Variants in UBL3 observed in about 807,000 individuals in gnomAD.
UBL3 encodes the protein ubiquitin-like protein 3.
A neutral mutation model predicts 18.4 loss-of-function variants in UBL3; 6 were observed. The observed-to-expected ratio is 0.33, with a 90% CI of 0.18 to 0.64. The LOEUF (loss-of-function observed/expected upper bound fraction) is 0.64, where lower values mean the gene tolerates loss of function less well. Ranked by LOEUF, UBL3 falls within the 30% of genes least tolerant of loss-of-function variation. The pLI is 0.76. For synonymous variants in UBL3, 49 were observed against 46.6 expected, an observed-to-expected ratio of 1.05 and a Z score of -0.21; for missense variants, 109 against 142.9, an observed-to-expected ratio of 0.76 and a Z score of 1.21.
At chr13:29,776,808 T>G (rs1370524333) in intron 2 of UBL3, among the ~76,000 whole-genome samples, 1 of 133,718 alleles carries the variant, frequency 7.5e-6, no homozygotes, top group Non-Finnish European at 1.5e-5. Context: ...GAGGCAGAGG[T>G]TGCGGTGAGC....
At chr13:29,835,107 A>AATATAAATATATATATATATATATAAAT (rs1878897106) in intron 1 of UBL3, among the ~76,000 whole-genome samples, 1 of 23,796 alleles carries the variant, frequency 4.2e-5, no homozygotes, top group Non-Finnish European at 7.1e-5. Context: ...TATATATATA[A>AATATAAATATATATATATATATATAAAT]ATATATATAT....
intron 1 of UBL3, among the ~76,000 whole-genome samples, chr13:29,838,939 T>A (rs369267422): frequency 6.4e-4 from 98 of 152,164 alleles, no homozygotes; most frequent in African/African-American, 2.3e-3. Flanking sequence ...AAAAAAAGAA[T>A]GCTATATTAA....
chr13:29,788,838 AGTGTGTGTGT>A (rs58898742), intron 1 of UBL3, among the ~76,000 whole-genome samples: 38 of 138,234 alleles, frequency 2.7e-4, no homozygotes, highest in African/African-American at 9.0e-4. Context: ...TTAATGGGGA[AGTGTGTGTGT>A]GTGTGTGTGT....
chr13:29,847,029 T>C (rs565625435), intron 1 of UBL3, among the ~76,000 whole-genome samples: 7 of 152,340 alleles, frequency 4.6e-5, no homozygotes, highest in Admixed American at 2.0e-4. Context: ...CTAAAATCAA[T>C]TGTCAATTCA....
chr13:29,835,117 T>TAA (rs1878902498), intron 1 of UBL3, among the ~76,000 whole-genome samples: 1 of 22,778 alleles, frequency 4.4e-5, no homozygotes, highest in Non-Finnish European at 6.4e-5. Context: ...AATATATATA[T>TAA]ATATATAAAT....
chr13:29,791,145 C>T (rs533569466), intron 1 of UBL3, among the ~76,000 whole-genome samples: 1 of 152,272 alleles, frequency 6.6e-6, no homozygotes, highest in South Asian at 2.1e-4. Context: ...TCTCTCAGTC[C>T]TTTAGGCATG....
intron 1 of UBL3, among the ~76,000 whole-genome samples, chr13:29,835,720 A>G (rs1369479753): frequency 7.5e-6 from 1 of 132,850 alleles, no homozygotes; most frequent in African/African-American, 2.9e-5. Flanking sequence ...GCGCCACTGC[A>G]CTCCAGCCTG....
intron 1 of UBL3, among the ~76,000 whole-genome samples, chr13:29,829,089 G>C (rs899348449): frequency 1.3e-5 from 2 of 152,178 alleles, no homozygotes; most frequent in East Asian, 3.9e-4. Context: ...GCCCCTACTA[G>C]GGGGTGCCTC....
At chr13:29,793,669 A>C (rs986985618) in intron 1 of UBL3, among the ~76,000 whole-genome samples, 2 of 152,188 alleles carry the variant, frequency 1.3e-5, no homozygotes, top group African/African-American at 4.8e-5. Flanking sequence ...ACAATCCTCA[A>C]GAATATGTGA....
At position 29,827,775 on chromosome 13, in the gene UBL3, T is replaced by G. The variant is rs540229640; in HGVS notation, c.27+21737A>C. Among the ~76,000 whole-genome samples, 30 of 152,300 alleles carry G rather than the reference T, an allele frequency of 2.0e-4. No individual in the cohort carries two copies. In the South Asian group the frequency reaches 5.8e-3, roughly 29 times the overall value. On this transcript the variant is annotated intron_variant, in intron 1 of 4. Coordinates refer to ENST00000380680, the MANE Select transcript of UBL3 (RefSeq NM_007106.4). ...AGTTGATGCAGTTTCTTCCTAGCAT[T>G]GATGGTCTTTACTATTTGGCATGTT...
intron 1 of UBL3, among the ~76,000 whole-genome samples, chr13:29,845,668 A>G (rs532064747): frequency 1.3e-5 from 2 of 152,234 alleles, no homozygotes; most frequent in South Asian, 2.1e-4. Context: ...GTGATATAAC[A>G]AAAGTTACAA....
intron 1 of UBL3, among the ~76,000 whole-genome samples, chr13:29,843,399 A>T (rs1205793574): frequency 1.3e-5 from 2 of 152,220 alleles, no homozygotes; most frequent in Admixed American, 1.3e-4. Flanking sequence ...CATTATTATT[A>T]AATATATCTC....
chr13:29,830,080 G>T (rs770702117), intron 1 of UBL3, among the ~76,000 whole-genome samples: 1 of 152,068 alleles, frequency 6.6e-6, no homozygotes, highest in Non-Finnish European at 1.5e-5. Flanking sequence ...GTAATTATAA[G>T]TTATATAAGT....
In UBL3 at chr13:29,766,521, C is replaced by T. The variant is rs1876686550; in HGVS notation, c.*734G>A. 2 of 152,568 alleles carry T rather than the reference C, an allele frequency of 1.3e-5. No individual in the cohort carries two copies. Among genetic ancestry groups the T allele is most frequent in the Admixed American group, 1.3e-4 (2 of 15,266 alleles). The allele number at this position is 152,568 out of a possible 1,614,324, so 9.5% of individuals were successfully genotyped here. On this transcript the variant is annotated 3_prime_UTR_variant, in exon 5 of 5. Transcript: ENST00000380680. ...AAGGCTAGGAGACGCACTCTCACCC[C>T]TTCTTGTGCTGTCTAAACAAACACT...
intron 1 of UBL3, among the ~76,000 whole-genome samples, chr13:29,795,570 A>G (rs1877587117): frequency 6.6e-6 from 1 of 151,860 alleles, no homozygotes; most frequent in Non-Finnish European, 1.5e-5. Context: ...CTGCTAATCC[A>G]TATACCTCTT....
intron 1 of UBL3, among the ~76,000 whole-genome samples, chr13:29,837,482 A>T (rs1423727680): frequency 6.6e-6 from 1 of 152,210 alleles, no homozygotes; most frequent in Non-Finnish European, 1.5e-5. Flanking sequence ...CGAGAAGGGG[A>T]AAAAAGAATG....
intron 1 of UBL3, among the ~76,000 whole-genome samples, chr13:29,848,581 C>A (rs540680199): frequency 5.3e-5 from 8 of 152,312 alleles, no homozygotes; most frequent in Non-Finnish European, 8.8e-5. Flanking sequence ...TATGTGAGCA[C>A]AACTACGTTA....
At position 29,777,178 on chromosome 13, in the gene UBL3, T is replaced by A. The variant is rs750705743; in HGVS notation, c.113A>T (p.His38Leu). Residue 38 changes from histidine (H) to leucine (L), a missense_variant, in exon 2 of 5, where the codon CAT becomes CTT. His to Leu is a moderately conservative substitution (Grantham distance 99). Coordinates refer to ENST00000380680, the MANE Select transcript of UBL3 (RefSeq NM_007106.4). Reference protein sequence around the residue: ...PNDSASDIAKHVYDNWPMDWE... With the variant: ...PNDSASDIAKLVYDNWPMDWE... Reference sequence around the variant, plus strand: ...ACCCATTGGCCAATTGTCATATACATGCTTTGCAATGTCAGAAGCAGAATC... The same window carrying A: ...ACCCATTGGCCAATTGTCATATACAAGCTTTGCAATGTCAGAAGCAGAATC... 1.9e-6 allele frequency: 3 copies of A among 1,606,340 alleles called. No homozygotes were observed. Among genetic ancestry groups the A allele is most frequent in the Non-Finnish European group, 2.6e-6 (3 of 1,176,196 alleles).
intron 2 of UBL3, among the ~76,000 whole-genome samples, chr13:29,774,509 C>G (rs1876930066): frequency 6.6e-6 from 1 of 152,002 alleles, no homozygotes; most frequent in Non-Finnish European, 1.5e-5. Flanking sequence ...CTATTCCTGC[C>G]TGGCTATAAA....
Sources: gnomAD v4.1 joint callset for allele counts (sites outside exome capture counted in the v4.1 genomes callset) on GRCh38, gnomAD v4.1.1 for gene constraint, MANE v1.5 for transcripts, NCBI Gene and HGNC (gene_info 2026-07-23, HGNC 2026-07-21) for gene names.